The following ARHGAP15 variants were observed in gnomAD, a reference collection of about 807,000 sequenced individuals.
The protein encoded by ARHGAP15 is rho GTPase-activating protein 15.
A neutral mutation model predicts 63.7 loss-of-function variants in ARHGAP15; 51 were observed. The ratio of observed to expected loss-of-function variants is 0.80; its 90% CI spans 0.64 to 1.01. ARHGAP15 has a LOEUF of 1.01. ARHGAP15 is among the 50% of genes least tolerant of loss of function. The pLI is 0.00. For missense variants in ARHGAP15, 560 were observed against 564.6 expected (o/e 0.99, Z 0.08); for synonymous variants, 191 against 193.8 (o/e 0.99, Z 0.12).
At chr2:143,393,798 G>C (rs1281581577) in intron 6 of ARHGAP15, among the ~76,000 whole-genome samples, 1 of 148,760 alleles carries the variant, frequency 6.7e-6, no homozygotes, top group East Asian at 2.0e-4. Context: ...TCACAGGACT[G>C]TCTTCCCCGT....
chr2:143,639,820 T>TTATAATTAAAATA lies in ARHGAP15; in HGVS notation c.1138+15554_1138+15566dup, dbSNP rs1680521591. 3.3e-5 allele frequency among the ~76,000 whole-genome samples: 5 copies of TTATAATTAAAATA among 152,242 alleles called. No individual in the cohort carries two copies. The South Asian group carries it at 1.0e-3, about 32-fold the overall frequency. On this transcript the variant is annotated intron_variant, in intron 12 of 13. Coordinates refer to ENST00000295095, the MANE Select transcript of ARHGAP15 (RefSeq NM_018460.4). ...CATACCCATAATAAAAAGAGCTCAA[T>TTATAATTAAAATA]TATAATTAAAATACTATGTCTACTC...
At chr2:143,131,538 C>T (rs1042138812) in intron 1 of ARHGAP15, among the ~76,000 whole-genome samples, 1 of 152,192 alleles carries the variant, frequency 6.6e-6, no homozygotes, top group African/African-American at 2.4e-5. Flanking sequence ...GCGGCCTGCT[C>T]TGCTCCTAAT....
intron 8 of ARHGAP15, among the ~76,000 whole-genome samples, chr2:143,485,559 A>AT (rs1158752889): frequency 6.6e-6 from 1 of 151,932 alleles, no homozygotes; most frequent in Non-Finnish European, 1.5e-5. Flanking sequence ...TGGCCCTATA[A>AT]TTTTTCCAAT....
chr2:143,238,246 G>A (rs1439004658), intron 5 of ARHGAP15: 1 of 152,126 alleles, frequency 6.6e-6, no homozygotes, highest in African/African-American at 2.4e-5. Flanking sequence ...ACTATCATCA[G>A]AGTGAACAGA....
At chr2:143,340,936 A>C (rs1236590211) in intron 6 of ARHGAP15, among the ~76,000 whole-genome samples, 3 of 152,174 alleles carry the variant, frequency 2.0e-5, no homozygotes, top group Non-Finnish European at 4.4e-5. Flanking sequence ...TGATCTAATA[A>C]ATCAGAATAC....
chr2:143,748,096 CA>C (rs1302726066), intron 13 of ARHGAP15, among the ~76,000 whole-genome samples: 5 of 152,202 alleles, frequency 3.3e-5, no homozygotes, highest in African/African-American at 1.2e-4. Flanking sequence ...TGTGAATTTT[CA>C]AATGAATGTG....
At chr2:143,446,728 T>C (rs1168843232) in intron 8 of ARHGAP15, among the ~76,000 whole-genome samples, 5 of 151,810 alleles carry the variant, frequency 3.3e-5, no homozygotes, top group Admixed American at 6.6e-5. Context: ...GCTGCACCCC[T>C]TAACTCGTCA....
intron 8 of ARHGAP15, among the ~76,000 whole-genome samples, chr2:143,441,058 A>G (rs1327258189): frequency 6.6e-6 from 1 of 152,132 alleles, no homozygotes. Flanking sequence ...GAAATTAGAC[A>G]TGTAAATACT....
chr2:143,520,008 A>T (rs1693993411), intron 10 of ARHGAP15, among the ~76,000 whole-genome samples: 1 of 152,136 alleles, frequency 6.6e-6, no homozygotes, highest in Admixed American at 6.5e-5. Flanking sequence ...TCAAACTATG[A>T]CTTCATTCAT....
In ARHGAP15 at chr2:143,768,255, A is replaced by G. The variant is rs1282806430; in HGVS notation, c.*83A>G. The stretch of plus-strand genomic sequence containing the variant: ...ATTTCTGTAAACATATTTCTGAAAT[A>G]TTTTTTGCCTTTCAAGCGACAGATG... On this transcript the variant is annotated 3_prime_UTR_variant, in exon 14 of 14. Coordinates refer to ENST00000295095, the MANE Select transcript of ARHGAP15 (RefSeq NM_018460.4). 7.1e-7 allele frequency: 1 copy of G among 1,413,842 alleles called. No homozygotes were observed. The highest frequency in any genetic ancestry group is 9.5e-7 in the Non-Finnish European group (1 of 1,057,122). The allele number at this position is 1,413,842 out of a possible 1,614,324, so 87.6% of individuals were successfully genotyped here.
At chr2:143,551,208 A>G (rs1423685091) in intron 10 of ARHGAP15, among the ~76,000 whole-genome samples, 2 of 152,154 alleles carry the variant, frequency 1.3e-5, no homozygotes, top group African/African-American at 2.4e-5. Flanking sequence ...CTGGAGTGCA[A>G]TGCTGTGATC....
intron 6 of ARHGAP15, among the ~76,000 whole-genome samples, chr2:143,322,902 T>A (rs1396147999): frequency 1.3e-5 from 2 of 152,218 alleles, no homozygotes; most frequent in South Asian, 2.1e-4. Context: ...ACTTAATTCC[T>A]TATCTTTTAA....
At chr2:143,255,804 T>G (rs1218716868) in intron 6 of ARHGAP15, among the ~76,000 whole-genome samples, 1 of 152,176 alleles carries the variant, frequency 6.6e-6, no homozygotes, top group Non-Finnish European at 1.5e-5. Context: ...AGATTTCCAG[T>G]AAAGCTGGTT....
At chr2:143,170,249 A>T (rs1215592060) in intron 2 of ARHGAP15, among the ~76,000 whole-genome samples, 3 of 152,144 alleles carry the variant, frequency 2.0e-5, no homozygotes, top group Non-Finnish European at 4.4e-5. Context: ...ATGTCTGCTG[A>T]CTTCCATCCT....
At chr2:143,520,091 A>G (rs114609379) in intron 10 of ARHGAP15, among the ~76,000 whole-genome samples, 1,822 of 152,294 alleles carry the variant, frequency 0.012, 35 homozygotes, top group African/African-American at 0.043. Context: ...TAAAAATGCA[A>G]GGCTTCATCA....
At chr2:143,400,741 T>G (rs1439942456) in intron 6 of ARHGAP15, among the ~76,000 whole-genome samples, 1 of 152,072 alleles carries the variant, frequency 6.6e-6, no homozygotes, top group Non-Finnish European at 1.5e-5. Flanking sequence ...AATTTTATGC[T>G]GGATGACAAA....
At chr2:143,671,255 T>A (rs1682510908) in intron 12 of ARHGAP15, among the ~76,000 whole-genome samples, 1 of 152,166 alleles carries the variant, frequency 6.6e-6, no homozygotes, top group Non-Finnish European at 1.5e-5. Context: ...TAATTAGTTT[T>A]TTTTTTATAT....
At chr2:143,387,901 G>T (rs1248620823) in intron 6 of ARHGAP15, among the ~76,000 whole-genome samples, 1 of 141,080 alleles carries the variant, frequency 7.1e-6, no homozygotes. Context: ...ACACATACAC[G>T]CATGCCTGCA....
At chr2:143,461,387 C>A (rs145975560) in intron 8 of ARHGAP15, among the ~76,000 whole-genome samples, 39 of 149,828 alleles carry the variant, frequency 2.6e-4, no homozygotes, top group African/African-American at 9.3e-4. Flanking sequence ...TACTCTTATA[C>A]GTTGAACACA....
Sources: gnomAD v4.1 joint callset for allele counts (sites outside exome capture counted in the v4.1 genomes callset) on GRCh38, gnomAD v4.1.1 for gene constraint, MANE v1.5 for transcripts, NCBI Gene and HGNC (gene_info 2026-07-23, HGNC 2026-07-21) for gene names.